Variants in SPARC observed in about 807,000 individuals in gnomAD.
SPARC encodes basement-membrane protein 40.
A neutral mutation model predicts 37.7 loss-of-function variants in SPARC; 23 were observed. The ratio of observed to expected loss-of-function variants is 0.61; its 90% CI spans 0.44 to 0.87. The LOEUF is 0.87. SPARC is among the 40% of genes least tolerant of loss of function. SPARC has a pLI of 0.00. For missense variants in SPARC, 312 were observed against 389.0 expected (o/e 0.80, Z 1.66); for synonymous variants, 155 against 150.8 (o/e 1.03, Z -0.20).
chr5:151,666,645 G>T, intron 7 of SPARC, 136 bp from the exon 8 acceptor site: 2 of 685,208 alleles, frequency 2.9e-6, no homozygotes, highest in Non-Finnish European at 4.8e-6. Flanking sequence ...GGAGGGAGGT[G>T]TCATAGATGG....
chr5:151,682,613 T>G lies in SPARC; in HGVS notation c.-14+4252A>C, dbSNP rs112629529. On this transcript the variant is annotated intron_variant, in intron 1 of 9. Coordinates refer to ENST00000231061, the MANE Select transcript of SPARC (RefSeq NM_003118.4). ...CAGTTCTTCTGACAGCCACTACCGA[T>G]GAATTAGTGATGTTGTCAGGCCACA... 8.6e-4 allele frequency among the ~76,000 whole-genome samples: 131 copies of G among 152,260 alleles called. 1 individual carries two copies. Among genetic ancestry groups the G allele is most frequent in the African/African-American group, 3.2e-3 (131 of 41,550 alleles).
chr5:151,670,048 A>G (rs965416988), intron 5 of SPARC, among the ~76,000 whole-genome samples: 1 of 152,238 alleles, frequency 6.6e-6, no homozygotes, highest in South Asian at 2.1e-4. Flanking sequence ...AGGGAAAAAA[A>G]TCCTGGAAGA....
chr5:151,683,463 C>T (rs561993638), intron 1 of SPARC, among the ~76,000 whole-genome samples: 5 of 152,302 alleles, frequency 3.3e-5, no homozygotes, highest in East Asian at 1.9e-4. Context: ...TTGGCTCAGA[C>T]GCCAGCTTGC....
chr5:151,670,319 A>T (rs1360133309), intron 5 of SPARC, among the ~76,000 whole-genome samples: 2 of 152,178 alleles, frequency 1.3e-5, no homozygotes, highest in African/African-American at 4.8e-5. Context: ...TTCCTTCTGG[A>T]AGTGTGAAAT....
chr5:151,670,572 G>A (rs754065589), intron 5 of SPARC, among the ~76,000 whole-genome samples: 11 of 152,064 alleles, frequency 7.2e-5, no homozygotes, highest in Admixed American at 1.3e-4. Flanking sequence ...TGAATATGTC[G>A]CTGTACTAAA....
intron 8 of SPARC, among the ~76,000 whole-genome samples, chr5:151,665,903 C>T (rs1186278823): frequency 6.6e-6 from 1 of 152,292 alleles, no homozygotes; most frequent in South Asian, 2.1e-4. Flanking sequence ...AATAGACAGG[C>T]TTTTTTGGAT....
intron 7 of SPARC, among the ~76,000 whole-genome samples, chr5:151,666,741 CG>C (rs1330279419): frequency 6.6e-6 from 1 of 152,176 alleles, no homozygotes; most frequent in East Asian, 1.9e-4. Flanking sequence ...AATCACCTGG[CG>C]AAGGCCGGGC....
intron 9 of SPARC, 68 bp from the exon 10 acceptor site, chr5:151,663,667 T>C: frequency 6.6e-7 from 1 of 1,517,144 alleles, no homozygotes; most frequent in Non-Finnish European, 9.1e-7. Flanking sequence ...TCCCAAGGAG[T>C]CAGTGGACTC....
chr5:151,672,048 G>A (rs1461445192), intron 4 of SPARC, among the ~76,000 whole-genome samples: 1 of 152,176 alleles, frequency 6.6e-6, no homozygotes, highest in Non-Finnish European at 1.5e-5. Flanking sequence ...GGCATTTCTG[G>A]ATTCCAGAAT....
intron 1 of SPARC, among the ~76,000 whole-genome samples, chr5:151,683,202 G>A (rs1029852709): frequency 1.1e-4 from 16 of 152,212 alleles, no homozygotes; most frequent in African/African-American, 3.9e-4. Flanking sequence ...TGAAACTGAC[G>A]TTTGGGAGGG....
intron 1 of SPARC, among the ~76,000 whole-genome samples, chr5:151,683,189 C>T (rs539062477): frequency 6.6e-6 from 1 of 152,336 alleles, no homozygotes; most frequent in South Asian, 2.1e-4. Flanking sequence ...CCCTTCTCTC[C>T]TTTGAAACTG....
In SPARC at chr5:151,666,450, C is replaced by G; in HGVS notation, c.645G>C (p.Leu215=). The part of the protein sequence containing the change: ...RLEAGDHPVE[L]LARDFEKNYN... ...AGTTCTTCTCGAAGTCCCGGGCCAG[C>G]AGCTCCACGGGGTGGTCTCCTGCCT... The change falls in exon 8 of 10, where the codon CTG becomes CTC. Residue 215 remains leucine, a synonymous_variant. Transcript: ENST00000231061. 6.2e-7 allele frequency: 1 copy of G among 1,614,178 alleles called. No homozygotes were observed. The highest frequency in any genetic ancestry group is 8.5e-7 in the Non-Finnish European group (1 of 1,180,008).
chr5:151,670,630 G>A (rs901664364), intron 5 of SPARC, among the ~76,000 whole-genome samples: 1 of 152,158 alleles, frequency 6.6e-6, no homozygotes, highest in African/African-American at 2.4e-5. Flanking sequence ...AGTCCTAGTC[G>A]ATCTCTGAAC....
chr5:151,669,820 C>A (rs1760709107), intron 5 of SPARC, 36 bp from the exon 6 acceptor site: 1 of 1,612,450 alleles, frequency 6.2e-7, no homozygotes, highest in East Asian at 2.2e-5. Flanking sequence ...CTCCTTCATT[C>A]CCAAAGCCCT....
In SPARC at chr5:151,666,399, G is replaced by T; in HGVS notation, c.696C>A (p.His232Gln). The T allele has an allele frequency of 6.2e-7, 1 of 1,614,172 alleles. No homozygotes were observed. The highest frequency in any genetic ancestry group is 8.5e-7 in the Non-Finnish European group (1 of 1,180,004). The change falls in exon 8 of 10, where the codon CAC (histidine) becomes CAA (glutamine). Residue 232 changes from histidine to glutamine, a missense_variant. Coordinates refer to ENST00000231061, the MANE Select transcript of SPARC (RefSeq NM_003118.4). Reference protein sequence around the residue: ...KNYNMYIFPVHWQFGQLDQHP... With the variant: ...KNYNMYIFPVQWQFGQLDQHP... ...GCTGGTCCAGCTGGCCGAACTGCCAGTGTACAGGGAAGATGTACATGTTAT... is the reference window on the plus strand; with the variant it reads ...GCTGGTCCAGCTGGCCGAACTGCCATTGTACAGGGAAGATGTACATGTTAT...
rs1248530471 is a variant in SPARC, at chr5:151,663,500, C to T, written c.*71G>A. ...CAGGCAGAACAACAAACCATCCAAACATTTTAAACATTGGGGGAAACACGA... is the reference window on the plus strand; with the variant it reads ...CAGGCAGAACAACAAACCATCCAAATATTTTAAACATTGGGGGAAACACGA... On this transcript the variant is annotated 3_prime_UTR_variant, in exon 10 of 10. Transcript: ENST00000231061. 9 of 1,446,130 alleles carry T rather than the reference C, an allele frequency of 6.2e-6. No homozygotes were observed. The highest frequency in any genetic ancestry group is 1.7e-4 in the Middle Eastern group (1 of 5,740). 89.6% of individuals were successfully genotyped at this position (1,446,130 alleles called of 1,614,324 possible).
At chr5:151,664,374 G>A in intron 8 of SPARC, 139 bp from the exon 9 acceptor site, 1 of 750,352 alleles carries the variant, frequency 1.3e-6, no homozygotes, top group Non-Finnish European at 2.2e-6. Context: ...AGAATCCCAG[G>A]TCTACCCCTA....
intron 1 of SPARC, among the ~76,000 whole-genome samples, chr5:151,685,418 TCTCTCACA>T (rs1339802850): frequency 1.3e-4 from 8 of 62,012 alleles, no homozygotes; most frequent in African/African-American, 3.1e-4. Context: ...TCTCCCTCTC[TCTCTCACA>T]CACACACACA....
Position 151,680,216 on chromosome 5 carries a change from C to CTTTTTTTTTTTTTTTTTTTTTT in SPARC, c.-13-4037_-13-4016dup, listed in dbSNP as rs58021431. Among the ~76,000 whole-genome samples the CTTTTTTTTTTTTTTTTTTTTTT allele has an allele frequency of 3.2e-5, 2 of 61,970 alleles. 1 individual carries two copies. The highest frequency in any genetic ancestry group is 1.5e-4 in the African/African-American group (2 of 13,342). The allele number at this position is 61,970 out of a possible 152,430, so 40.7% of individuals were successfully genotyped here. ...TGCAATAGAGAATAGTGGAAAACAT[C>CTTTTTTTTTTTTTTTTTTTTTT]TTTTTTTTTTTTTTTTTTTTTTTTT... On this transcript the variant is annotated intron_variant, in intron 1 of 9. Coordinates refer to ENST00000231061, the MANE Select transcript of SPARC (RefSeq NM_003118.4).
Sources: allele counts gnomAD v4.1 joint callset (sites outside exome capture counted in the v4.1 genomes callset), GRCh38; gene constraint gnomAD v4.1.1; transcripts MANE v1.5; gene names NCBI Gene and HGNC (gene_info 2026-07-23, HGNC 2026-07-21).